Variants in HDGF observed in about 807,000 individuals in gnomAD.
The protein encoded by HDGF is heparin binding growth factor, also known as hepatoma-derived growth factor.
In HDGF, 5 loss-of-function variants were observed where a neutral mutation model predicts 30.0. That is an observed-to-expected ratio of 0.17 (90% CI 0.09 to 0.35). The LOEUF is 0.35. Ranked by LOEUF, HDGF falls within the 10% of genes least tolerant of loss-of-function variation. The probability of loss-of-function intolerance (pLI) is 1.00; values close to 1 mark genes in which losing one functional copy is unlikely to be tolerated. For missense variants in HDGF, 214 were observed against 302.8 expected (o/e 0.71, Z 2.18); for synonymous variants, 133 against 112.7 (o/e 1.18, Z -1.14).
intron 1 of HDGF, among the ~76,000 whole-genome samples, chr1:156,762,886 C>A (rs146734179): frequency 1.3e-5 from 2 of 149,164 alleles, no homozygotes; most frequent in African/African-American, 2.5e-5. Flanking sequence ...AAAAAAAAAC[C>A]AAAAAAAAAC....
intron 2 of HDGF, among the ~76,000 whole-genome samples, chr1:156,758,592 C>A (rs371552361): frequency 1.2e-3 from 102 of 85,954 alleles, no homozygotes; most frequent in Middle Eastern, 6.8e-3. Context: ...GACTCCGTCT[C>A]AAAAAAAAAA....
intron 1 of HDGF, among the ~76,000 whole-genome samples, chr1:156,747,223 T>G: frequency 1.4e-5 from 1 of 70,280 alleles, no homozygotes; most frequent in Non-Finnish European, 2.6e-5. Flanking sequence ...CAACCAGGAA[T>G]GTGACCGCCC....
chr1:156,762,895 A>C (rs989820124), intron 1 of HDGF, among the ~76,000 whole-genome samples: 12 of 151,828 alleles, frequency 7.9e-5, no homozygotes, highest in East Asian at 5.8e-4. Flanking sequence ...CCAAAAAAAA[A>C]CTTTCCATCA....
chr1:156,761,085 G>C (rs1335825860), intron 1 of HDGF, among the ~76,000 whole-genome samples: 4 of 151,292 alleles, frequency 2.6e-5, no homozygotes, highest in Middle Eastern at 3.5e-3. Context: ...TGGAGGTTGG[G>C]GGGGATCAGC....
upstream of HDGF, among the ~76,000 whole-genome samples, chr1:156,754,527 G>A (rs1434719968): frequency 2.0e-5 from 3 of 152,188 alleles, no homozygotes; most frequent in Non-Finnish European, 2.9e-5. Context: ...ACTAAGCCAA[G>A]AGCTGCAGAA....
rs1650978810 is a variant in HDGF, at chr1:156,751,543, C to A, written c.-114G>T. The A allele has an allele frequency of 9.9e-7, 1 of 1,013,584 alleles. No individual in the cohort carries two copies. The highest frequency in any genetic ancestry group is 4.5e-5 in the South Asian group (1 of 21,996). 62.8% of individuals were successfully genotyped at this position (1,013,584 alleles called of 1,614,324 possible). A position where few individuals can be genotyped will look rare whatever the true frequency, so the allele number is the denominator to read the frequency against. On this transcript the variant is annotated 5_prime_UTR_variant, in exon 1 of 6. Transcript: ENST00000357325. The surrounding 1 kb of genome is among the most constrained non-coding windows in gnomAD (Gnocchi z 4.7). ...TCCGGCCCTCGCGCGGCCCCCGCCT[C>A]GATGGTGGCCCCCGGCCCGAGCTCC...
intron 1 of HDGF, among the ~76,000 whole-genome samples, chr1:156,761,048 C>T (rs938177108): frequency 3.3e-5 from 5 of 152,014 alleles, no homozygotes; most frequent in Admixed American, 1.3e-4. Flanking sequence ...GCAGGGATCA[C>T]GCCTGTAATC....
chr1:156,748,733 C>T (rs1479535967), intron 1 of HDGF, among the ~76,000 whole-genome samples: 1 of 152,182 alleles, frequency 6.6e-6, no homozygotes, highest in African/African-American at 2.4e-5. Flanking sequence ...AGGAAGGCAG[C>T]AGGGAAGGCT....
At chr1:156,749,927 C>T (rs1198241457) in intron 1 of HDGF, among the ~76,000 whole-genome samples, 2 of 152,182 alleles carry the variant, frequency 1.3e-5, no homozygotes, top group African/African-American at 4.8e-5. Flanking sequence ...CCAGCTGGGT[C>T]AAAGGGTGCA....
chr1:156,751,848 C>T, upstream of HDGF: 1 of 984,082 alleles, frequency 1.0e-6, no homozygotes, highest in Middle Eastern at 3.5e-4. The surrounding 1 kb of genome is among the most constrained non-coding windows in gnomAD (Gnocchi z 4.7). Flanking sequence ...CCAGGGCCTG[C>T]CACGGCCCAA....
Position 156,751,248 on chromosome 1 carries a change from CCT to C in HDGF, c.87+93_87+94del. ...GAGACCTACAAGCCCCCTGCCCCCACCTCTGCCCGCTCCGCGCGGAGCGCTCG... is the reference window on the plus strand; with the variant it reads ...GAGACCTACAAGCCCCCTGCCCCCACCTGCCCGCTCCGCGCGGAGCGCTCG... On this transcript the variant is annotated intron_variant, in intron 1 of 5. Coordinates refer to ENST00000357325, the MANE Select transcript of HDGF (RefSeq NM_004494.3). The surrounding 1 kb of genome is among the most constrained non-coding windows in gnomAD (Gnocchi z 4.7). 1 of 1,429,962 alleles carries C rather than the reference CCT, an allele frequency of 7.0e-7. No homozygotes were observed. Among genetic ancestry groups the C allele is most frequent in the Non-Finnish European group, 9.3e-7 (1 of 1,075,456 alleles). The allele number at this position is 1,429,962 out of a possible 1,614,324, so 88.6% of individuals were successfully genotyped here.
chr1:156,743,590 CT>C (rs975531749), intron 5 of HDGF, 61 bp downstream of exon 5: 45 of 1,559,754 alleles, frequency 2.9e-5, no homozygotes, highest in Middle Eastern at 3.4e-4. Flanking sequence ...TTTTCATCCT[CT>C]TCTCCGAGAG....
At chr1:156,746,469 T>TGAGGAAACTGAGCC (rs1205517430) in intron 1 of HDGF, among the ~76,000 whole-genome samples, 12 of 152,214 alleles carry the variant, frequency 7.9e-5, no homozygotes, top group African/African-American at 2.9e-4. Flanking sequence ...ATTTTACAGA[T>TGAGGAAACTGAGCC]GAGGAAACTG....
At chr1:156,745,523 G>A (rs1650470427) in intron 1 of HDGF, 150 bp from the exon 2 acceptor site, 1 of 630,028 alleles carries the variant, frequency 1.6e-6, no homozygotes, top group African/African-American at 1.8e-5. Flanking sequence ...ATTTTTAGCA[G>A]TGACACTTTA....
At position 156,742,322 on chromosome 1, in the gene HDGF, C is replaced by A. The variant is rs904000907; in HGVS notation, c.*1127G>T. 6.6e-6 allele frequency: 1 copy of A among 152,522 alleles called. No individual in the cohort carries two copies. The highest frequency in any genetic ancestry group is 2.4e-5 in the African/African-American group (1 of 41,384). The allele number at this position is 152,522 out of a possible 1,614,324, so 9.4% of individuals were successfully genotyped here. On this transcript the variant is annotated 3_prime_UTR_variant, in exon 6 of 6. Transcript: ENST00000357325. ...TCTGTCCTCTCAGTGGGTTACAAAT[C>A]AGATCTGGTGACAACACTGAGGGGG...
rs770751217 is a variant in HDGF at position 156,743,610 on chromosome 1, C to A, written c.716+42G>T. ...ATCCTCTTCTCCGAGAGTGGCCGGT[C>A]CCCCCTAGTCCAGCTGCCAAGGGGT... On this transcript the variant is annotated intron_variant, in intron 5 of 5. Transcript: ENST00000357325. 8 of 1,551,300 alleles carry A rather than the reference C, an allele frequency of 5.2e-6. No individual in the cohort carries two copies. In the East Asian group the frequency reaches 1.1e-4, roughly 22 times the overall value.
upstream of HDGF, among the ~76,000 whole-genome samples, chr1:156,755,815 G>C (rs1651146051): frequency 6.6e-6 from 1 of 152,158 alleles, no homozygotes; most frequent in African/African-American, 2.4e-5. Context: ...TGAGAATATG[G>C]GCTGTAGAGA....
intron 3 of HDGF, chr1:156,744,629 C>A: frequency 9.7e-7 from 1 of 1,035,946 alleles, no homozygotes; most frequent in Non-Finnish European, 1.3e-6. Context: ...GGACCCTTTC[C>A]CCGCCAACCC....
chr1:156,761,953 T>A (rs866587885), intron 1 of HDGF, among the ~76,000 whole-genome samples: 15 of 67,000 alleles, frequency 2.2e-4, no homozygotes, highest in South Asian at 1.8e-3. Flanking sequence ...AAAAAAAAAA[T>A]TAATTAATTA....
Sources: allele counts gnomAD v4.1 joint callset (sites outside exome capture counted in the v4.1 genomes callset), GRCh38; gene constraint gnomAD v4.1.1; non-coding constraint Gnocchi (gnomAD v3.1); transcripts MANE v1.5; gene names NCBI Gene and HGNC (gene_info 2026-07-23, HGNC 2026-07-21).